CAST: variants seen among roughly 807,000 people sequenced by gnomAD.
CAST encodes MIR583 host.
Under a neutral mutation model 119.6 loss-of-function variants are expected in CAST, and 76 were observed. That is an observed-to-expected ratio of 0.64 (90% CI 0.53 to 0.77). The LOEUF is 0.77. Ranked by LOEUF, CAST falls within the 30% of genes least tolerant of loss-of-function variation. The pLI is 0.00. For missense variants in CAST, 953 were observed against 946.5 expected (o/e 1.01, Z -0.09); for synonymous variants, 319 against 331.6 (o/e 0.96, Z 0.41).
the CAST span, among the ~76,000 whole-genome samples, chr5:96,518,111 G>C: frequency 4.6e-5 from 7 of 152,026 alleles, no homozygotes; most frequent in Non-Finnish European, 7.4e-5. Flanking sequence ...CTGATGAGAA[G>C]ATGAAGTCTT....
chr5:96,533,148 A>C (rs1745721906), intron 1 of CAST, among the ~76,000 whole-genome samples: 1 of 152,256 alleles, frequency 6.6e-6, no homozygotes, highest in Admixed American at 6.5e-5. Flanking sequence ...TTTTCAAACT[A>C]TAATTCCATG....
At chr5:96,358,219 CT>C in the CAST span, among the ~76,000 whole-genome samples, 240 of 152,088 alleles carry the variant, frequency 1.6e-3, no homozygotes, top group Non-Finnish European at 2.5e-3. Context: ...ATTCTTATCT[CT>C]TTTCTTCTTT....
chr5:95,987,436 C>T, the CAST span, among the ~76,000 whole-genome samples: 7 of 152,098 alleles, frequency 4.6e-5, no homozygotes, highest in Non-Finnish European at 1.0e-4. Flanking sequence ...AGGGAAATTT[C>T]GGAGATATGC....
At chr5:96,191,134 TGCTGTGGGATGCTG>T in the CAST span, among the ~76,000 whole-genome samples, 2 of 152,248 alleles carry the variant, frequency 1.3e-5, no homozygotes, top group Non-Finnish European at 2.9e-5. Flanking sequence ...CCCATATTTG[TGCTGTGGGATGCTG>T]GCTTCCAGTT....
At chr5:96,679,095 G>A (rs1017244618) in intron 2 of CAST, among the ~76,000 whole-genome samples, 12 of 145,142 alleles carry the variant, frequency 8.3e-5, no homozygotes, top group Non-Finnish European at 1.8e-4. Context: ...GACCTCCCCC[G>A]CTCAAGTAAT....
chr5:96,001,183 A>G, the CAST span, among the ~76,000 whole-genome samples: 2 of 152,206 alleles, frequency 1.3e-5, no homozygotes, highest in Non-Finnish European at 2.9e-5. Context: ...TTGAGTACTC[A>G]CTTTGTGCCA....
chr5:96,650,112 G>A (rs1290101248), intron 1 of CAST, among the ~76,000 whole-genome samples: 1 of 152,186 alleles, frequency 6.6e-6, no homozygotes, highest in Non-Finnish European at 1.5e-5. Flanking sequence ...TTCAGCCTGT[G>A]GTAGACACAT....
the CAST span, among the ~76,000 whole-genome samples, chr5:96,202,959 A>G: frequency 1.3e-5 from 2 of 152,054 alleles, no homozygotes; most frequent in African/African-American, 2.4e-5. Flanking sequence ...TCTTGCAAAA[A>G]TAATTACAAG....
chr5:96,318,634 G>A, the CAST span: 1 of 152,160 alleles, frequency 6.6e-6, no homozygotes, highest in Non-Finnish European at 1.5e-5. Flanking sequence ...AGGCCACATG[G>A]TGAGATGGAA....
At chr5:96,365,132 T>G in the CAST span, among the ~76,000 whole-genome samples, 2 of 152,302 alleles carry the variant, frequency 1.3e-5, no homozygotes, top group African/African-American at 4.8e-5. Flanking sequence ...AGTTGAGCGG[T>G]TTTGAGTGAG....
upstream of CAST, among the ~76,000 whole-genome samples, chr5:96,527,837 C>T (rs1051599743): frequency 6.6e-6 from 1 of 152,058 alleles, no homozygotes; most frequent in African/African-American, 2.4e-5. Flanking sequence ...GAGCCAGGGC[C>T]CCCATGACTA....
At chr5:96,463,771 T>C in the CAST span, among the ~76,000 whole-genome samples, 6 of 152,090 alleles carry the variant, frequency 3.9e-5, no homozygotes, top group African/African-American at 1.4e-4. Context: ...CTTCTGCTTC[T>C]TCTCTGCCTT....
At chr5:96,201,075 T>TA in the CAST span, among the ~76,000 whole-genome samples, 4 of 152,178 alleles carry the variant, frequency 2.6e-5, no homozygotes, top group Non-Finnish European at 5.9e-5. Context: ...GAGTCAGGAA[T>TA]AAATGTTGGT....
At chr5:96,014,463 TATTATC>T in the CAST span, among the ~76,000 whole-genome samples, 2 of 152,206 alleles carry the variant, frequency 1.3e-5, no homozygotes, top group Admixed American at 6.5e-5. Context: ...CATAGTCACT[TATTATC>T]ATTATAAAGT....
chr5:96,065,639 A>G, the CAST span, among the ~76,000 whole-genome samples: 1 of 152,172 alleles, frequency 6.6e-6, no homozygotes, highest in Admixed American at 6.6e-5. Flanking sequence ...AGACACCACA[A>G]TCTAGAAATA....
At chr5:96,394,743 C>T in the CAST span, 2 of 863,902 alleles carry the variant, frequency 2.3e-6, no homozygotes, top group South Asian at 1.3e-5. Flanking sequence ...ACCACTATCA[C>T]TTCTTATCCT....
the CAST span, among the ~76,000 whole-genome samples, chr5:96,357,947 A>G: frequency 2.0e-5 from 3 of 152,158 alleles, no homozygotes; most frequent in Non-Finnish European, 4.4e-5. Context: ...TCGGCTGTGA[A>G]TCCATCTGGT....
At chr5:96,634,791 T>C (rs1747865243) in intron 1 of CAST, among the ~76,000 whole-genome samples, 1 of 152,158 alleles carries the variant, frequency 6.6e-6, no homozygotes, top group Admixed American at 6.5e-5. Flanking sequence ...TCATGAAAAC[T>C]CAAGACTGAA....
intron 28 of CAST, 92 bp from the exon 29 acceptor site, chr5:96,767,815 C>A: frequency 1.3e-6 from 1 of 744,912 alleles, no homozygotes; most frequent in East Asian, 2.6e-5. Flanking sequence ...CTTATAGAAA[C>A]ATCTTTTATT....
Sources: gnomAD v4.1 joint callset for allele counts (sites outside exome capture counted in the v4.1 genomes callset) on GRCh38, gnomAD v4.1.1 for gene constraint, MANE v1.5 for transcripts, NCBI Gene and HGNC (gene_info 2026-07-23, HGNC 2026-07-21) for gene names.